PHACTR3: variants seen among roughly 807,000 people sequenced by gnomAD.
The protein encoded by PHACTR3 is phosphatase and actin regulator 3, also known as protein phosphatase 1, regulatory subunit 123.
PHACTR3 carries 16 observed loss-of-function variants against 66.8 expected under a neutral mutation model. The ratio of observed to expected loss-of-function variants is 0.24; its 90% CI spans 0.16 to 0.36. The LOEUF (loss-of-function observed/expected upper bound fraction) is 0.36. PHACTR3 is among the 10% of genes least tolerant of loss of function. PHACTR3 has a pLI of 1.00. For synonymous variants in PHACTR3, 323 were observed against 292.1 expected (o/e 1.11, Z -1.08); for missense variants, 647 against 719.9 (o/e 0.90, Z 1.16).
chr20:59,670,305 G>A (rs980342642), intron 1 of PHACTR3, among the ~76,000 whole-genome samples: 1 of 152,210 alleles, frequency 6.6e-6, no homozygotes, highest in Non-Finnish European at 1.5e-5. Context: ...AGGGCAATGG[G>A]TGCAGAGCCA....
intron 7 of PHACTR3, among the ~76,000 whole-genome samples, chr20:59,774,769 A>T (rs1042738760): frequency 6.6e-6 from 1 of 152,180 alleles, no homozygotes; most frequent in East Asian, 1.9e-4. Context: ...AAAAAAAAAA[A>T]CAACATAAAA....
intron 3 of PHACTR3, among the ~76,000 whole-genome samples, chr20:59,750,554 G>A (rs2039541287): frequency 6.6e-6 from 1 of 152,170 alleles, no homozygotes; most frequent in Non-Finnish European, 1.5e-5. Flanking sequence ...AAGGAGGAAG[G>A]AGGAAGCAGG....
chr20:59,749,207 C>T (rs1004996322), intron 3 of PHACTR3, among the ~76,000 whole-genome samples: 4 of 152,088 alleles, frequency 2.6e-5, no homozygotes, highest in Admixed American at 6.5e-5. Context: ...CAAACTCCGG[C>T]ATTTTGAATA....
At chr20:59,747,890 G>A (rs2146788982) in intron 3 of PHACTR3, 55 bp downstream of exon 3, 1 of 1,574,298 alleles carries the variant, frequency 6.4e-7, no homozygotes, top group Non-Finnish European at 8.7e-7. Context: ...ATGCAGAATG[G>A]AAAGTCTCAC....
At chr20:59,831,730 A>G (rs79160057) in intron 8 of PHACTR3, among the ~76,000 whole-genome samples, 3,104 of 152,234 alleles carry the variant, frequency 0.02, 115 homozygotes, top group African/African-American at 0.071. Flanking sequence ...CTGAAGCTCA[A>G]AGCCCAGGAA....
intron 1 of PHACTR3, among the ~76,000 whole-genome samples, chr20:59,687,543 C>T (rs912057388): frequency 2.0e-5 from 3 of 152,244 alleles, no homozygotes; most frequent in Admixed American, 6.5e-5. Flanking sequence ...ATGAGAGGAT[C>T]ATGATTTCCC....
chr20:59,614,496 C>T (rs998149329), intron 1 of PHACTR3, among the ~76,000 whole-genome samples: 2 of 152,170 alleles, frequency 1.3e-5, no homozygotes, highest in Non-Finnish European at 2.9e-5. Context: ...GGCAACGCAC[C>T]TTATCTAATG....
At chr20:59,614,271 T>C (rs1249194833) in intron 1 of PHACTR3, among the ~76,000 whole-genome samples, 2 of 152,242 alleles carry the variant, frequency 1.3e-5, no homozygotes, top group Non-Finnish European at 2.9e-5. Flanking sequence ...GACGTATACA[T>C]ACCTGTAGTC....
At chr20:59,706,346 C>T (rs1036682814) in intron 1 of PHACTR3, among the ~76,000 whole-genome samples, 3 of 152,220 alleles carry the variant, frequency 2.0e-5, no homozygotes, top group African/African-American at 4.8e-5. Context: ...TAGGAAATGA[C>T]AGAGAGGCAC....
chr20:59,605,848 G>A (rs928595719), intron 1 of PHACTR3, among the ~76,000 whole-genome samples: 1 of 132,810 alleles, frequency 7.5e-6, no homozygotes. Context: ...TAATAAAGCG[G>A]GGGGGGAGGT....
chr20:59,659,559 G>A (rs1439842050), intron 1 of PHACTR3, among the ~76,000 whole-genome samples: 1 of 151,790 alleles, frequency 6.6e-6, no homozygotes, highest in Non-Finnish European at 1.5e-5. Flanking sequence ...TTTTAGTAGA[G>A]ACAGGGTTTC....
At chr20:59,827,325 T>C (rs1291136134) in intron 8 of PHACTR3, among the ~76,000 whole-genome samples, 1 of 152,070 alleles carries the variant, frequency 6.6e-6, no homozygotes, top group Non-Finnish European at 1.5e-5. Context: ...CCACCACCAC[T>C]GGGGCTGTTC....
intron 2 of PHACTR3, among the ~76,000 whole-genome samples, chr20:59,746,201 C>A (rs747457192): frequency 6.6e-6 from 1 of 152,222 alleles, no homozygotes; most frequent in Non-Finnish European, 1.5e-5. Flanking sequence ...CCCTTTTCAT[C>A]CTTTGGCTTT....
intron 1 of PHACTR3, among the ~76,000 whole-genome samples, chr20:59,637,648 G>T (rs1388171468): frequency 1.3e-5 from 2 of 149,814 alleles, no homozygotes; most frequent in Non-Finnish European, 3.0e-5. Context: ...GAACAAATAT[G>T]AAATGATCCT....
intron 5 of PHACTR3, among the ~76,000 whole-genome samples, chr20:59,772,906 G>A (rs2040404523): frequency 6.6e-6 from 1 of 152,210 alleles, no homozygotes; most frequent in South Asian, 2.1e-4. Context: ...CATCCAGGCT[G>A]AAGGGTGGCT....
chr20:59,695,247 G>A (rs764599113), intron 1 of PHACTR3, among the ~76,000 whole-genome samples: 28 of 152,170 alleles, frequency 1.8e-4, no homozygotes, highest in Non-Finnish European at 2.8e-4. Context: ...ATTGTAATCC[G>A]TAGTGTTGGA....
At chr20:59,819,181 A>G (rs2041964273) in intron 8 of PHACTR3, among the ~76,000 whole-genome samples, 1 of 152,078 alleles carries the variant, frequency 6.6e-6, no homozygotes, top group Non-Finnish European at 1.5e-5. Context: ...GAGGCAGGAG[A>G]ATCGCTTGAG....
intron 3 of PHACTR3, among the ~76,000 whole-genome samples, chr20:59,753,085 A>G (rs2039659431): frequency 6.6e-6 from 1 of 152,160 alleles, no homozygotes; most frequent in African/African-American, 2.4e-5. Flanking sequence ...AATGTGGCTC[A>G]GGACCTGTTT....
intron 11 of PHACTR3, among the ~76,000 whole-genome samples, chr20:59,843,033 A>G (rs2059092561): frequency 6.7e-6 from 1 of 148,370 alleles, no homozygotes; most frequent in African/African-American, 2.6e-5. Context: ...GCCATAGGAT[A>G]CACAAAATCA....
Sources: allele counts gnomAD v4.1 joint callset (sites outside exome capture counted in the v4.1 genomes callset), GRCh38; gene constraint gnomAD v4.1.1; transcripts MANE v1.5; gene names NCBI Gene and HGNC (gene_info 2026-07-23, HGNC 2026-07-21).